Variants in KCNQ1 observed in about 807,000 individuals in gnomAD.
The protein encoded by KCNQ1 is potassium voltage-gated channel subfamily Q member 1.
In KCNQ1, 49 loss-of-function variants were observed where a neutral mutation model predicts 72.4. The ratio of observed to expected loss-of-function variants is 0.68; its 90% CI spans 0.54 to 0.86. The LOEUF is 0.86. Among genes scored for constraint, KCNQ1 ranks in the 40% least tolerant of loss-of-function variants. The pLI is 0.00. For missense variants in KCNQ1, 790 were observed against 945.1 expected (o/e 0.84, Z 2.15); for synonymous variants, 450 against 412.6 (o/e 1.09, Z -1.10).
intron 15 of KCNQ1, among the ~76,000 whole-genome samples, chr11:2,829,438 G>A (rs114543026): frequency 0.015 from 2,336 of 152,238 alleles, 66 homozygotes; most frequent in African/African-American, 0.053. Context: ...CAAAACCTAA[G>A]GCCATTTGTA....
intron 15 of KCNQ1, among the ~76,000 whole-genome samples, chr11:2,839,061 A>C (rs1030187583): frequency 6.6e-6 from 1 of 152,116 alleles, no homozygotes; most frequent in African/African-American, 2.4e-5. Context: ...GGGCTCTTGG[A>C]CAGAGCCGCC....
At position 2,463,871 on chromosome 11, in the gene KCNQ1, G is replaced by T. The variant is rs759415117; in HGVS notation, c.386+18387G>T. Among the ~76,000 whole-genome samples the T allele has an allele frequency of 4.0e-5, 6 of 151,864 alleles. No individual in the cohort carries two copies. The highest frequency in any genetic ancestry group is 7.4e-5 in the Non-Finnish European group (5 of 67,948). ...GTGCTTGTGTAGATGCCCCCGTGCG[G>T]GGACTTGTTTGGCTGATGGATCAGG... is the stretch of plus-strand genomic sequence containing the variant. On this transcript the variant is annotated intron_variant, in intron 1 of 15. Coordinates refer to ENST00000155840, the MANE Select transcript of KCNQ1 (RefSeq NM_000218.3). This position sits in a 1 kb window ranked among gnomAD's most constrained non-coding sequence, Gnocchi z 7.0.
At chr11:2,589,073 A>G (rs1848636682) in intron 10 of KCNQ1, among the ~76,000 whole-genome samples, 1 of 152,178 alleles carries the variant, frequency 6.6e-6, no homozygotes, top group Admixed American at 6.5e-5. Context: ...TTCTGTTGCG[A>G]GAGGAAGCCT....
At position 2,492,194 on chromosome 11, in the gene KCNQ1, A is replaced by G. The variant is rs934693731; in HGVS notation, c.387-35734A>G. On this transcript the variant is annotated intron_variant, in intron 1 of 15. Transcript: ENST00000155840. The surrounding 1 kb of genome is among the most constrained non-coding windows in gnomAD (Gnocchi z 4.1). ...ATACAAATAGTATTATAACACTGTA[A>G]TTATGGTGTGTAAACTACTCATATA... 2.6e-5 allele frequency among the ~76,000 whole-genome samples: 4 copies of G among 152,210 alleles called. No individual in the cohort carries two copies. The highest frequency in any genetic ancestry group is 9.7e-5 in the African/African-American group (4 of 41,442).
Position 2,475,522 on chromosome 11 carries a change from C to G in KCNQ1, c.386+30038C>G, listed in dbSNP as rs556025806. On this transcript the variant is annotated intron_variant, in intron 1 of 15. Transcript: ENST00000155840. This position sits in a 1 kb window ranked among gnomAD's most constrained non-coding sequence, Gnocchi z 5.8. ...AAATGAAAAAATGGCTAAAGATTTTCAAGCACACACACCTAAAGATAGCAG... is the reference window on the plus strand; with the variant it reads ...AAATGAAAAAATGGCTAAAGATTTTGAAGCACACACACCTAAAGATAGCAG... 2.6e-5 allele frequency among the ~76,000 whole-genome samples: 4 copies of G among 152,322 alleles called. No individual in the cohort carries two copies. The highest frequency in any genetic ancestry group is 2.1e-4 in the South Asian group (1 of 4,834).
chr11:2,722,089 A>G (rs1317053041), intron 11 of KCNQ1, among the ~76,000 whole-genome samples: 5 of 152,002 alleles, frequency 3.3e-5, no homozygotes, highest in African/African-American at 9.7e-5. Context: ...ACAGCCTACT[A>G]TGGTCCTGGC....
In KCNQ1 at chr11:2,615,765, T is replaced by C. The variant is rs542658049; in HGVS notation, c.1393+26911T>C. On this transcript the variant is annotated intron_variant, in intron 10 of 15. Transcript: ENST00000155840. Reference sequence around the variant, plus strand: ...TCATGATATATAATCCTTTTTAATATGCTGCTGAATTTGGCTTACTAGTAC... The same window carrying C: ...TCATGATATATAATCCTTTTTAATACGCTGCTGAATTTGGCTTACTAGTAC... 18 of 398,164 alleles carry C rather than the reference T, an allele frequency of 4.5e-5. No individual in the cohort carries two copies. In the South Asian group the frequency reaches 2.3e-3, roughly 51 times the overall value. 24.7% of individuals were successfully genotyped at this position (398,164 alleles called of 1,614,324 possible).
chr11:2,523,966 T>A (rs192793699), intron 1 of KCNQ1, among the ~76,000 whole-genome samples: 2 of 152,018 alleles, frequency 1.3e-5, no homozygotes, highest in African/African-American at 4.8e-5. Flanking sequence ...GACATGGCTG[T>A]CGCTTGGCTG....
Position 2,642,183 on chromosome 11 carries a change from C to T in KCNQ1, c.1394-19778C>T. 2.5e-6 allele frequency: 1 copy of T among 398,364 alleles called. No homozygotes were observed. Among genetic ancestry groups the T allele is most frequent in the Non-Finnish European group, 4.4e-6 (1 of 225,936 alleles). The allele number at this position is 398,364 out of a possible 1,614,324, so 24.7% of individuals were successfully genotyped here. A position where few individuals can be genotyped will look rare whatever the true frequency, so the allele number is the denominator to read the frequency against. Reference sequence around the variant, plus strand: ...GGCATTGGTATTTTGAGAGAGACTGCATTGAATCTGTAGATTGCTTTGGGT... The same window carrying T: ...GGCATTGGTATTTTGAGAGAGACTGTATTGAATCTGTAGATTGCTTTGGGT... On this transcript the variant is annotated intron_variant, in intron 10 of 15. Transcript: ENST00000155840. This position sits in a 1 kb window ranked among gnomAD's most constrained non-coding sequence, Gnocchi z 4.3.
chr11:2,821,221 C>G (rs577898681), intron 15 of KCNQ1, among the ~76,000 whole-genome samples: 3 of 152,234 alleles, frequency 2.0e-5, no homozygotes, highest in African/African-American at 4.8e-5. Flanking sequence ...GTGCTCTGTG[C>G]GAGTCCCGTT....
chr11:2,714,106 G>A (rs1277629699), intron 11 of KCNQ1, among the ~76,000 whole-genome samples: 1 of 152,246 alleles, frequency 6.6e-6, no homozygotes, highest in Non-Finnish European at 1.5e-5. Context: ...AGCCTCTCCT[G>A]TTGCTGGGGC....
Position 2,475,711 on chromosome 11 carries a change from G to GT in KCNQ1, c.386+30228dup, listed in dbSNP as rs1846559417. On this transcript the variant is annotated intron_variant, in intron 1 of 15. Transcript: ENST00000155840. This position sits in a 1 kb window ranked among gnomAD's most constrained non-coding sequence, Gnocchi z 5.8. ...TTCCCTGTGTTGTGGGAGGGACCTG[G>GT]TGGGGGGTAATTGAATCACGGGGAC... Among the ~76,000 whole-genome samples, 1 of 152,172 alleles carries GT rather than the reference G, an allele frequency of 6.6e-6. No individual in the cohort carries two copies. Among genetic ancestry groups the GT allele is most frequent in the Non-Finnish European group, 1.5e-5 (1 of 68,010 alleles).
Position 2,536,836 on chromosome 11 carries a change from C to T in KCNQ1, c.477+8818C>T, listed in dbSNP as rs1009098129. Among the ~76,000 whole-genome samples, 18 of 151,998 alleles carry T rather than the reference C, an allele frequency of 1.2e-4. No homozygotes were observed. The highest frequency in any genetic ancestry group is 4.1e-4 in the African/African-American group (17 of 41,304). On this transcript the variant is annotated intron_variant, in intron 2 of 15. Coordinates refer to ENST00000155840, the MANE Select transcript of KCNQ1 (RefSeq NM_000218.3). The surrounding 1 kb of genome is among the most constrained non-coding windows in gnomAD (Gnocchi z 7.4). ...GCTCTGGACGATGGAGGGCCGAGAC[C>T]CAGGTGTGGGCAGGGCTGGTTCTTC...
At chr11:2,522,439 G>A (rs1310890166) in intron 1 of KCNQ1, among the ~76,000 whole-genome samples, 2 of 152,208 alleles carry the variant, frequency 1.3e-5, no homozygotes, top group Non-Finnish European at 2.9e-5. Context: ...CAGAGGGGGT[G>A]GTAGGTGGCC....
chr11:2,470,600 G>T (rs1846432126), intron 1 of KCNQ1, among the ~76,000 whole-genome samples: 2 of 151,984 alleles, frequency 1.3e-5, no homozygotes, highest in African/African-American at 4.8e-5. Flanking sequence ...CAAGGGAGGG[G>T]GTGTGATGAT....
At chr11:2,666,830 G>A (rs1011595142) in intron 11 of KCNQ1, 1 of 398,572 alleles carries the variant, frequency 2.5e-6, no homozygotes, top group African/African-American at 2.1e-5. Flanking sequence ...AGGACATTCT[G>A]GGAACCAGTG....
At position 2,613,813 on chromosome 11, in the gene KCNQ1, A is replaced by C; in HGVS notation, c.1393+24959A>C. The C allele has an allele frequency of 2.5e-6, 1 of 398,462 alleles. No homozygotes were observed. Among genetic ancestry groups the C allele is most frequent in the African/African-American group, 2.1e-5 (1 of 48,706 alleles). 24.7% of individuals were successfully genotyped at this position (398,462 alleles called of 1,614,324 possible). On this transcript the variant is annotated intron_variant, in intron 10 of 15. Transcript: ENST00000155840. The surrounding 1 kb of genome is among the most constrained non-coding windows in gnomAD (Gnocchi z 4.8). ...TCTTCCATCCTAATTCCCCCTACCC[A>C]TTATAGGTAACCAGTTTCAGTGTTT...
chr11:2,546,947 G>T (rs562850030), intron 2 of KCNQ1, among the ~76,000 whole-genome samples: 24 of 152,230 alleles, frequency 1.6e-4, no homozygotes, highest in African/African-American at 5.8e-4. Context: ...TGTTAGCATG[G>T]TATATATTTT....
At chr11:2,761,303 G>A (rs970590035) in intron 11 of KCNQ1, among the ~76,000 whole-genome samples, 2 of 152,006 alleles carry the variant, frequency 1.3e-5, no homozygotes, top group Non-Finnish European at 2.9e-5. Context: ...GTGCTCCTAC[G>A]CTGGTGTGTT....
Sources: gnomAD v4.1 joint callset for allele counts (sites outside exome capture counted in the v4.1 genomes callset) on GRCh38, gnomAD v4.1.1 for gene constraint, Gnocchi (gnomAD v3.1) non-coding constraint, MANE v1.5 for transcripts, NCBI Gene and HGNC (gene_info 2026-07-23, HGNC 2026-07-21) for gene names.